Variants in CDC5L observed in about 807,000 individuals in gnomAD.
CDC5L encodes cell division cycle 5-like protein.
In CDC5L, 18 loss-of-function variants were observed where a neutral mutation model predicts 104.1. The ratio of observed to expected loss-of-function variants is 0.17; its 90% confidence interval spans 0.12 to 0.26. The LOEUF (loss-of-function observed/expected upper bound fraction) is 0.26, where lower values mean the gene tolerates loss of function less well. CDC5L is among the 10% of genes least tolerant of loss of function. The pLI is 1.00. For missense variants in CDC5L, 673 were observed against 956.9 expected, an observed-to-expected ratio of 0.70 and a Z score of 3.91; for synonymous variants, 331 against 322.7, an observed-to-expected ratio of 1.03 and a Z score of -0.28.
rs375455347 is a variant in CDC5L, at chr6:44,410,262, C to CT, written c.1092+1635dup. The stretch of plus-strand genomic sequence containing the variant: ...AGCCTCTAGTAACCACCATTTTACT[C>CT]TTTTTCTGTGAGTTTGACTTTTTTA... On this transcript the variant is annotated intron_variant, in intron 8 of 15. Coordinates refer to ENST00000371477, the MANE Select transcript of CDC5L (RefSeq NM_001253.4). Among the ~76,000 whole-genome samples, 956 of 152,224 alleles carry CT rather than the reference C, an allele frequency of 6.3e-3. 13 individuals are homozygous for CT. Among genetic ancestry groups the CT allele is most frequent in the African/African-American group, 0.021 (891 of 41,532 alleles).
intron 8 of CDC5L, among the ~76,000 whole-genome samples, chr6:44,413,348 T>C (rs894299289): frequency 7.9e-5 from 12 of 152,264 alleles, no homozygotes; most frequent in Non-Finnish European, 1.8e-4. Context: ...CATTGCATAA[T>C]ATTCCATTGT....
At chr6:44,398,113 C>T (rs1004295264) in intron 5 of CDC5L, among the ~76,000 whole-genome samples, 5 of 152,056 alleles carry the variant, frequency 3.3e-5, no homozygotes, top group African/African-American at 4.8e-5. Context: ...TCTGAGGATG[C>T]ATGTTGGCAG....
At chr6:44,408,729 G>C (rs1349377419) in intron 8 of CDC5L, 97 bp downstream of exon 8, 3 of 870,364 alleles carry the variant, frequency 3.4e-6, no homozygotes, top group East Asian at 2.7e-5. Flanking sequence ...GTTTCTTTTA[G>C]TGTAAATGGT....
chr6:44,404,110 C>T (rs1032922196), intron 6 of CDC5L, 83 bp downstream of exon 6: 34 of 826,918 alleles, frequency 4.1e-5, no homozygotes, highest in Non-Finnish European at 4.5e-5. Flanking sequence ...CTTGTCAGAG[C>T]CAGATTTTTA....
intron 14 of CDC5L, among the ~76,000 whole-genome samples, chr6:44,430,676 G>A (rs1234149144): frequency 6.6e-6 from 1 of 151,062 alleles, no homozygotes; most frequent in Non-Finnish European, 1.5e-5. Flanking sequence ...GGTTTCAAGC[G>A]ATTCTCCTGC....
At chr6:44,419,101 A>G (rs1050189585) in intron 8 of CDC5L, among the ~76,000 whole-genome samples, 1 of 152,016 alleles carries the variant, frequency 6.6e-6, no homozygotes, top group Non-Finnish European at 1.5e-5. Context: ...GGTATTGCCT[A>G]GGTTTTCTTC....
chr6:44,414,424 G>GTA (rs1561973325), intron 8 of CDC5L, among the ~76,000 whole-genome samples: 2 of 78,868 alleles, frequency 2.5e-5, no homozygotes, highest in African/African-American at 7.7e-5. Flanking sequence ...GTGTGTGTGT[G>GTA]TGTGTGTATT....
rs116343489 is a variant in CDC5L at position 44,396,845 on chromosome 6, C to T, written c.539+405C>T. ...GGATATTTTAAAGGATACAAATCAACGGCCCCATGAAGAGATACACAGGGT... is the reference window on the plus strand; with the variant it reads ...GGATATTTTAAAGGATACAAATCAATGGCCCCATGAAGAGATACACAGGGT... On this transcript the variant is annotated intron_variant, in intron 5 of 15. Transcript: ENST00000371477. Among the ~76,000 whole-genome samples, 496 of 152,272 alleles carry T rather than the reference C, an allele frequency of 3.3e-3. 1 individual carries two copies. Among genetic ancestry groups the T allele is most frequent in the African/African-American group, 0.011 (466 of 41,564 alleles).
At chr6:44,395,024 CA>C (rs1790805155) in intron 4 of CDC5L, among the ~76,000 whole-genome samples, 1 of 152,000 alleles carries the variant, frequency 6.6e-6, no homozygotes, top group Non-Finnish European at 1.5e-5. Context: ...CACAGAGAGA[CA>C]AATACTGCAT....
Position 44,393,574 on chromosome 6 carries a change from G to GT in CDC5L, c.439+2dup, listed in dbSNP as rs1462773771. ...CCTGATCCAATTGATATGGATGAGGGTAAGTGTATGCTTTGAGGAATTTAT... is the reference window on the plus strand; with the variant it reads ...CCTGATCCAATTGATATGGATGAGGGTTAAGTGTATGCTTTGAGGAATTTAT... On this transcript the variant is annotated splice_donor_variant, in intron 4 of 15. Coordinates refer to ENST00000371477, the MANE Select transcript of CDC5L (RefSeq NM_001253.4). LOFTEE classifies it high-confidence loss of function. The GT allele has an allele frequency of 3.7e-6, 6 of 1,612,068 alleles. No homozygotes were observed. The highest frequency in any genetic ancestry group is 5.1e-6 in the Non-Finnish European group (6 of 1,179,080).
At position 44,387,875 on chromosome 6, in the gene CDC5L, C is replaced by G. The variant is rs1462330380; in HGVS notation, c.45+7C>G. ...CGTATGGAGGAATACCGAGGTAAGT[C>G]TCCTTTTCCCGCCGTCCGCTGCCCG... On this transcript the variant is annotated splice_region_variant and intron_variant, in intron 1 of 15. Transcript: ENST00000371477. 6.4e-7 allele frequency: 1 copy of G among 1,557,458 alleles called. No homozygotes were observed. Among genetic ancestry groups the G allele is most frequent in the African/African-American group, 1.4e-5 (1 of 73,316 alleles).
At chr6:44,439,392 C>T (rs1413763161) in intron 14 of CDC5L, among the ~76,000 whole-genome samples, 1 of 151,654 alleles carries the variant, frequency 6.6e-6, no homozygotes, top group Non-Finnish European at 1.5e-5. Context: ...TAGATACTTC[C>T]TTCACCTCAT....
intron 10 of CDC5L, among the ~76,000 whole-genome samples, chr6:44,423,819 T>TGAAAGTATCTCTAA (rs1792298807): frequency 6.6e-6 from 1 of 152,228 alleles, no homozygotes; most frequent in Admixed American, 6.5e-5. Context: ...AAGTATCTTT[T>TGAAAGTATCTCTAA]AGAGTGGATT....
chr6:44,443,437 G>A (rs1793304712), intron 14 of CDC5L, among the ~76,000 whole-genome samples: 1 of 151,826 alleles, frequency 6.6e-6, no homozygotes. Context: ...ATTTGAATAT[G>A]TTAGTTGTTC....
rs571532540 is a variant in CDC5L, at chr6:44,445,320, C to A, written c.2092-335C>A. The stretch of plus-strand genomic sequence containing the variant: ...GATGAAGGTGGCTTGCAGCTAGTCC[C>A]AAAATAAATACGTTGAATGATAGCA... On this transcript the variant is annotated intron_variant, in intron 14 of 15. Transcript: ENST00000371477. Among the ~76,000 whole-genome samples the A allele has an allele frequency of 9.2e-5, 14 of 152,116 alleles. No individual in the cohort carries two copies. The South Asian group carries it at 2.5e-3, about 27-fold the overall frequency.
intron 14 of CDC5L, among the ~76,000 whole-genome samples, chr6:44,439,499 G>T (rs530625010): frequency 7.9e-5 from 12 of 152,040 alleles, no homozygotes; most frequent in Non-Finnish European, 1.5e-4. Context: ...GAGGTCCAGT[G>T]TGTGTTGTTT....
chr6:44,403,760 C>G (rs773609447), intron 5 of CDC5L, 49 bp from the exon 6 acceptor site: 18 of 1,274,364 alleles, frequency 1.4e-5, no homozygotes, highest in Non-Finnish European at 1.9e-5. Context: ...GATAATTTAT[C>G]CCTGTCACAT....
At chr6:44,429,024 T>G (rs1265752821) in intron 13 of CDC5L, among the ~76,000 whole-genome samples, 2 of 143,822 alleles carry the variant, frequency 1.4e-5, no homozygotes, top group Non-Finnish European at 3.0e-5. Context: ...GCTTTTTTTT[T>G]TTTTTTTTTT....
At chr6:44,419,764 T>C (rs911562395) in intron 9 of CDC5L, among the ~76,000 whole-genome samples, 167 bp downstream of exon 9, 1 of 152,238 alleles carries the variant, frequency 6.6e-6, no homozygotes, top group Admixed American at 6.5e-5. Flanking sequence ...GGTTAAATAC[T>C]GTGGAGTGCC....
Sources: allele counts gnomAD v4.1 joint callset (sites outside exome capture counted in the v4.1 genomes callset), GRCh38; gene constraint gnomAD v4.1.1; transcripts MANE v1.5; gene names NCBI Gene and HGNC (gene_info 2026-07-23, HGNC 2026-07-21).